TTLL11: variants seen among roughly 807,000 people sequenced by gnomAD.
The protein encoded by TTLL11 is tubulin tyrosine ligase like 11.
In TTLL11, 42 loss-of-function variants were observed where a neutral mutation model predicts 51.7. The observed-to-expected ratio is 0.81, with a 90% CI of 0.64 to 1.05. The LOEUF is 1.05. TTLL11 is among the 50% of genes least tolerant of loss of function. The pLI is 0.00. For missense variants in TTLL11, 799 were observed against 940.4 expected (o/e 0.85, Z 1.97); for synonymous variants, 381 against 383.5 (o/e 0.99, Z 0.08).
chr9:121,892,162 A>G (rs1329572412), intron 6 of TTLL11, among the ~76,000 whole-genome samples: 1 of 145,742 alleles, frequency 6.9e-6, no homozygotes, highest in Non-Finnish European at 1.5e-5. Context: ...ATATACATAT[A>G]TACACAGATA....
At position 121,971,997 on chromosome 9, in the gene TTLL11, G is replaced by C. The variant is rs970541323; in HGVS notation, c.1481+2012C>G. Among the ~76,000 whole-genome samples the C allele has an allele frequency of 9.9e-5, 15 of 152,214 alleles. No individual in the cohort carries two copies. In the East Asian group the frequency reaches 2.3e-3, roughly 24 times the overall value. On this transcript the variant is annotated intron_variant, in intron 6 of 8. Coordinates refer to ENST00000321582, the MANE Select transcript of TTLL11 (RefSeq NM_001139442.2). ...GGGCCTGTCGGTGGGTGGGGACTAGGGGAGGGATAGCATTAGGAGAAATAC... is the reference window on the plus strand; with the variant it reads ...GGGCCTGTCGGTGGGTGGGGACTAGCGGAGGGATAGCATTAGGAGAAATAC...
intron 1 of TTLL11, among the ~76,000 whole-genome samples, chr9:122,072,473 G>A (rs150193310): frequency 7.9e-5 from 12 of 152,044 alleles, no homozygotes; most frequent in African/African-American, 2.7e-4. Flanking sequence ...GTGAAACCTC[G>A]TCTCTACTAA....
chr9:121,968,305 C>T (rs1187175825), intron 6 of TTLL11, among the ~76,000 whole-genome samples: 1 of 152,158 alleles, frequency 6.6e-6, no homozygotes, highest in Admixed American at 6.5e-5. Flanking sequence ...AGATGTTTTC[C>T]TCCTTCAGGA....
At chr9:121,827,782 G>A (rs1014901676) in intron 8 of TTLL11, among the ~76,000 whole-genome samples, 5 of 144,208 alleles carry the variant, frequency 3.5e-5, no homozygotes, top group East Asian at 2.4e-4. Flanking sequence ...TTCAGAGAAC[G>A]TAACCTTTTG....
intron 3 of TTLL11, among the ~76,000 whole-genome samples, chr9:122,001,706 G>A (rs983782233): frequency 6.6e-6 from 1 of 152,106 alleles, no homozygotes; most frequent in Admixed American, 6.5e-5. Context: ...AAGAGAACTG[G>A]CTGGAAACCA....
chr9:122,046,320 C>T (rs1845000484), intron 1 of TTLL11, among the ~76,000 whole-genome samples: 1 of 152,140 alleles, frequency 6.6e-6, no homozygotes, highest in Admixed American at 6.5e-5. Context: ...CCATGTAAGA[C>T]ACCTCCTTCC....
At chr9:121,833,842 T>C (rs1052606046) in intron 8 of TTLL11, among the ~76,000 whole-genome samples, 1 of 152,228 alleles carries the variant, frequency 6.6e-6, no homozygotes, top group African/African-American at 2.4e-5. Context: ...GAATATGAGA[T>C]ATTTTCTTCC....
At chr9:122,010,482 T>C (rs2131746772) in intron 3 of TTLL11, among the ~76,000 whole-genome samples, 1 of 152,346 alleles carries the variant, frequency 6.6e-6, no homozygotes. Flanking sequence ...ATGGTCTATG[T>C]CTGCTTTCAC....
intron 6 of TTLL11, among the ~76,000 whole-genome samples, chr9:121,949,981 A>T (rs1841799410): frequency 6.6e-6 from 1 of 151,952 alleles, no homozygotes; most frequent in Admixed American, 6.6e-5. Flanking sequence ...GCATCCATCC[A>T]GCCTCTACTC....
chr9:122,014,163 G>A (rs113422688), intron 3 of TTLL11, among the ~76,000 whole-genome samples: 3 of 151,978 alleles, frequency 2.0e-5, no homozygotes, highest in African/African-American at 7.3e-5. Flanking sequence ...CCAGGAGTTC[G>A]AGAGCAGCCT....
chr9:121,949,025 G>A (rs1225316518), intron 6 of TTLL11, among the ~76,000 whole-genome samples: 1 of 152,086 alleles, frequency 6.6e-6, no homozygotes, highest in African/African-American at 2.4e-5. Flanking sequence ...CAGGCAGGCT[G>A]GGCCAGCCTC....
At position 122,080,410 on chromosome 9, in the gene TTLL11, G is replaced by A. The variant is rs142593567; in HGVS notation, c.462+12277C>T. On this transcript the variant is annotated intron_variant, in intron 1 of 8. Transcript: ENST00000321582. ...GAAAGTAATATGAAATATGCTGGGT[G>A]CAGTGACGCACACCTGTAATCCTAG... is the stretch of plus-strand genomic sequence containing the variant. 4.6e-5 allele frequency among the ~76,000 whole-genome samples: 7 copies of A among 152,248 alleles called. No individual in the cohort carries two copies. In the East Asian group the frequency reaches 1.4e-3, roughly 29 times the overall value.
chr9:121,878,670 C>T (rs1207199718), intron 6 of TTLL11, among the ~76,000 whole-genome samples: 3 of 152,186 alleles, frequency 2.0e-5, no homozygotes, highest in Non-Finnish European at 2.9e-5. Context: ...GGGGTCACTG[C>T]GCCCAGCCCT....
At chr9:121,958,451 G>C (rs1044987068) in intron 6 of TTLL11, among the ~76,000 whole-genome samples, 2 of 151,844 alleles carry the variant, frequency 1.3e-5, no homozygotes, top group African/African-American at 4.8e-5. Flanking sequence ...CTTTTTTCTC[G>C]AAGCCAAACA....
chr9:121,900,518 T>C (rs1317278212), intron 6 of TTLL11, among the ~76,000 whole-genome samples: 1 of 152,238 alleles, frequency 6.6e-6, no homozygotes, highest in Non-Finnish European at 1.5e-5. Context: ...AGATCATTGA[T>C]GTCTTTCGTT....
At chr9:122,085,041 T>C (rs945558421) in intron 1 of TTLL11, among the ~76,000 whole-genome samples, 1 of 152,058 alleles carries the variant, frequency 6.6e-6, no homozygotes, top group Admixed American at 6.6e-5. Context: ...GGGCAGATCA[T>C]CTGAGGTCAG....
rs913984457 is a variant in TTLL11 at position 121,821,755 on chromosome 9, C to T, written c.*832G>A. 6.6e-6 allele frequency among the ~76,000 whole-genome samples: 1 copy of T among 152,092 alleles called. No individual in the cohort carries two copies. Among genetic ancestry groups the T allele is most frequent in the Non-Finnish European group, 1.5e-5 (1 of 68,022 alleles). On this transcript the variant is annotated 3_prime_UTR_variant, in exon 9 of 9. Transcript: ENST00000321582. This position sits in a 1 kb window ranked among gnomAD's most constrained non-coding sequence, Gnocchi z 5.0. ...GATTTCCTTCCCTCACCCAGGGCTC[C>T]CAGCACAGTGCTGGGCATGCAGGGA...
intron 8 of TTLL11, among the ~76,000 whole-genome samples, chr9:121,851,899 C>T (rs1001620407): frequency 1.3e-5 from 2 of 152,186 alleles, no homozygotes; most frequent in Admixed American, 6.5e-5. Flanking sequence ...TAACGCCAGG[C>T]TTAGCCAAGA....
intron 1 of TTLL11, chr9:122,040,314 A>G (rs1844815194): frequency 1.0e-6 from 1 of 982,298 alleles, no homozygotes; most frequent in Non-Finnish European, 1.2e-6. Flanking sequence ...TTGGTCTTCT[A>G]AAATCTTGTT....
Sources: gnomAD v4.1 joint callset for allele counts (sites outside exome capture counted in the v4.1 genomes callset) on GRCh38, gnomAD v4.1.1 for gene constraint, Gnocchi (gnomAD v3.1) non-coding constraint, MANE v1.5 for transcripts, NCBI Gene and HGNC (gene_info 2026-07-23, HGNC 2026-07-21) for gene names.